The following PTGFR variants were observed in gnomAD, a reference collection of about 807,000 sequenced individuals.
The protein encoded by PTGFR is prostaglandin F receptor.
Under a neutral mutation model 26.2 loss-of-function variants are expected in PTGFR, and 15 were observed. The observed-to-expected ratio is 0.57, with a 90% CI of 0.38 to 0.88. The LOEUF (loss-of-function observed/expected upper bound fraction) is 0.88, where lower values mean the gene tolerates loss of function less well. Ranked by LOEUF, PTGFR falls within the 40% of genes least tolerant of loss-of-function variation. The probability of loss-of-function intolerance (pLI) is 0.00; values close to 1 mark genes in which losing one functional copy is unlikely to be tolerated. For synonymous variants in PTGFR, 165 were observed against 151.1 expected (o/e 1.09, Z -0.68); for missense variants, 369 against 427.2 (o/e 0.86, Z 1.20).
At chr1:78,495,815 G>A (rs1176070429) in intron 2 of PTGFR, among the ~76,000 whole-genome samples, 3 of 151,968 alleles carry the variant, frequency 2.0e-5, no homozygotes, top group South Asian at 2.1e-4. Context: ...TTTTTGGTTT[G>A]GTTTGGAATA....
chr1:78,528,349 T>G (rs1334388637), intron 2 of PTGFR, among the ~76,000 whole-genome samples: 1 of 150,838 alleles, frequency 6.6e-6, no homozygotes, highest in Non-Finnish European at 1.5e-5. Flanking sequence ...GTCTTATCCT[T>G]TTGACCAAAC....
intron 2 of PTGFR, among the ~76,000 whole-genome samples, chr1:78,518,567 G>GACACAC (rs57447321): frequency 1.7e-4 from 24 of 137,962 alleles, no homozygotes; most frequent in African/African-American, 5.9e-4. Context: ...CAGTATAAAA[G>GACACAC]ACACACACAC....
Position 78,540,185 on chromosome 1 carries a change from A to G in PTGFR, c.*3498A>G, listed in dbSNP as rs76395466. On this transcript the variant is annotated 3_prime_UTR_variant, in exon 3 of 3. Transcript: ENST00000370757. ...GTGGCTGTTTCTCAAACTACAGAGC[A>G]TGGTGAATCACACACAGGCTGTTAG... Among the ~76,000 whole-genome samples, 1,233 of 152,246 alleles carry G rather than the reference A, an allele frequency of 8.1e-3. 28 individuals carry two copies. The highest frequency in any genetic ancestry group is 0.028 in the African/African-American group (1,173 of 41,568).
At position 78,493,015 on chromosome 1, in the gene PTGFR, T is replaced by C. The variant is rs775328895; in HGVS notation, c.272T>C (p.Val91Ala). 4 of 1,614,248 alleles carry C rather than the reference T, an allele frequency of 2.5e-6. No homozygotes were observed. The highest frequency in any genetic ancestry group is 1.1e-5 in the South Asian group (1 of 91,086). Residue 91 changes from valine to alanine, a missense_variant, in exon 2 of 3, where the codon GTA becomes GCA. Physicochemically the swap from Val to Ala is moderately conservative, Grantham distance 64. Transcript: ENST00000370757. ...HLINGAIAVF[V>A]YASDKEWIRF... ...ATCAATGGAGCCATAGCAGTATTTG[T>C]ATATGCTTCTGATAAAGAATGGATC...
chr1:78,523,427 G>A (rs1650294026), intron 2 of PTGFR, among the ~76,000 whole-genome samples: 1 of 151,998 alleles, frequency 6.6e-6, no homozygotes, highest in African/African-American at 2.4e-5. Context: ...TCAGTATGTT[G>A]GGACAGTGGA....
chr1:78,525,776 G>T (rs1399376830), intron 2 of PTGFR, among the ~76,000 whole-genome samples: 1 of 151,820 alleles, frequency 6.6e-6, no homozygotes, highest in Non-Finnish European at 1.5e-5. Flanking sequence ...ATTGAGACTT[G>T]GTCCAAGGTG....
At position 78,538,598 on chromosome 1, in the gene PTGFR, G is replaced by A. The variant is rs1027047880; in HGVS notation, c.*1911G>A. On this transcript the variant is annotated 3_prime_UTR_variant, in exon 3 of 3. Coordinates refer to ENST00000370757, the MANE Select transcript of PTGFR (RefSeq NM_000959.4). The stretch of plus-strand genomic sequence containing the variant: ...TTCTTCTGAGTAAAACAAAATTATA[G>A]AAAACAAATGCAACAATGTGCACAT... The A allele has an allele frequency of 6.6e-6, 1 of 151,160 alleles. No individual in the cohort carries two copies. The highest frequency in any genetic ancestry group is 2.4e-5 in the African/African-American group (1 of 41,174). The allele number at this position is 151,160 out of a possible 1,614,324, so 9.4% of individuals were successfully genotyped here. A position where few individuals can be genotyped will look rare whatever the true frequency, so the allele number is the denominator to read the frequency against.
At chr1:78,527,095 A>G (rs1650391583) in intron 2 of PTGFR, among the ~76,000 whole-genome samples, 1 of 152,120 alleles carries the variant, frequency 6.6e-6, no homozygotes, top group African/African-American at 2.4e-5. Context: ...GCTACTAACT[A>G]TGAATTTTTA....
chr1:78,496,882 T>A (rs758235898), intron 2 of PTGFR, among the ~76,000 whole-genome samples: 59 of 120,408 alleles, frequency 4.9e-4, no homozygotes, highest in Non-Finnish European at 8.4e-4. Flanking sequence ...AAATACTCCC[T>A]CCCCCTCCCC....
intron 2 of PTGFR, among the ~76,000 whole-genome samples, chr1:78,517,513 G>A (rs1483686036): frequency 3.9e-5 from 6 of 152,192 alleles, no homozygotes; most frequent in Non-Finnish European, 8.8e-5. Flanking sequence ...TTAGTCCTGA[G>A]TGACAAAAAG....
At chr1:78,528,178 G>T (rs189948714) in intron 2 of PTGFR, among the ~76,000 whole-genome samples, 139 of 151,380 alleles carry the variant, frequency 9.2e-4, no homozygotes, top group Non-Finnish European at 1.2e-3. Flanking sequence ...GTTACCTGGA[G>T]AATGCTTGGG....
intron 2 of PTGFR, chr1:78,497,838 C>T (rs1179631968): frequency 7.2e-7 from 1 of 1,398,044 alleles, no homozygotes; most frequent in Non-Finnish European, 1.0e-6. Flanking sequence ...CTGTCTTTTA[C>T]TGGAAGGCCA....
intron 2 of PTGFR, among the ~76,000 whole-genome samples, chr1:78,498,108 T>G (rs1172854093): frequency 1.3e-5 from 2 of 152,174 alleles, no homozygotes; most frequent in East Asian, 3.8e-4. Flanking sequence ...CTAATTGAAC[T>G]TTGACTGAAA....
chr1:78,540,540 T>G lies in PTGFR; in HGVS notation c.*3853T>G, dbSNP rs570024957. 4.6e-5 allele frequency among the ~76,000 whole-genome samples: 7 copies of G among 152,102 alleles called. No individual in the cohort carries two copies. The highest frequency in any genetic ancestry group is 7.4e-5 in the Non-Finnish European group (5 of 67,990). On this transcript the variant is annotated 3_prime_UTR_variant, in exon 3 of 3. Coordinates refer to ENST00000370757, the MANE Select transcript of PTGFR (RefSeq NM_000959.4). ...TAAAGATAAGGTAGAATAAATGAAC[T>G]AAAAGAAATTTTAGATGACTAAAAG...
intron 2 of PTGFR, among the ~76,000 whole-genome samples, chr1:78,520,452 C>A (rs1002089966): frequency 1.3e-5 from 2 of 151,760 alleles, no homozygotes; most frequent in African/African-American, 2.4e-5. Context: ...ATGGAAAAAA[C>A]AAGATAATTT....
At chr1:78,496,595 G>A (rs80062164) in intron 2 of PTGFR, among the ~76,000 whole-genome samples, 4,060 of 152,306 alleles carry the variant, frequency 0.027, 86 homozygotes, top group African/African-American at 0.056. Flanking sequence ...GAGGAAAGGA[G>A]TAAGGTGGAG....
At chr1:78,503,375 A>G (rs1649754459) in intron 2 of PTGFR, among the ~76,000 whole-genome samples, 1 of 152,172 alleles carries the variant, frequency 6.6e-6, no homozygotes, top group South Asian at 2.1e-4. Context: ...TAAGAATTCA[A>G]GGAAGTTTTA....
intron 1 of PTGFR, among the ~76,000 whole-genome samples, chr1:78,491,474 G>T (rs1383739372): frequency 6.6e-6 from 1 of 152,210 alleles, no homozygotes; most frequent in Non-Finnish European, 1.5e-5. Flanking sequence ...TCAGAAGAGG[G>T]AAATCGGCAC....
intron 2 of PTGFR, among the ~76,000 whole-genome samples, chr1:78,522,417 C>T (rs562136385): frequency 1.3e-5 from 2 of 152,012 alleles, no homozygotes; most frequent in East Asian, 3.9e-4. Flanking sequence ...GGTTCCAGGG[C>T]CTAGGTTGGG....
Sources: allele counts gnomAD v4.1 joint callset (sites outside exome capture counted in the v4.1 genomes callset), GRCh38; gene constraint gnomAD v4.1.1; transcripts MANE v1.5; gene names NCBI Gene and HGNC (gene_info 2026-07-23, HGNC 2026-07-21).